The following PSTK variants were observed in gnomAD, a reference collection of about 807,000 sequenced individuals.
The protein encoded by PSTK is phosphoseryl-tRNA kinase.
A neutral mutation model predicts 38.6 loss-of-function variants in PSTK; 26 were observed. The observed-to-expected ratio is 0.67, with a 90% CI of 0.49 to 0.94. The LOEUF (loss-of-function observed/expected upper bound fraction) is 0.94. Ranked by LOEUF, PSTK falls within the 40% of genes least tolerant of loss-of-function variation. The pLI is 0.00. For missense variants in PSTK, 445 were observed against 436.3 expected (o/e 1.02, Z -0.18); for synonymous variants, 181 against 161.7 (o/e 1.12, Z -0.91).
intron 5 of PSTK, among the ~76,000 whole-genome samples, chr10:122,988,586 CAAT>C (rs1230844963): frequency 6.6e-6 from 1 of 152,148 alleles, no homozygotes; most frequent in Non-Finnish European, 1.5e-5. Flanking sequence ...TCTTACCACT[CAAT>C]AATAAACACA....
intron 5 of PSTK, among the ~76,000 whole-genome samples, chr10:122,987,677 T>C (rs1265348646): frequency 2.0e-5 from 3 of 152,256 alleles, no homozygotes; most frequent in African/African-American, 7.2e-5. Context: ...TTTAAAATTG[T>C]ACCTTTAAAA....
chr10:122,980,674 C>G lies in PSTK; in HGVS notation c.195C>G (p.Ala65=), dbSNP rs202174196. 1.1e-4 allele frequency: 165 copies of G among 1,457,830 alleles called. 1 individual carries two copies. The highest frequency in any genetic ancestry group is 6.5e-4 in the Middle Eastern group (3 of 4,640). 90.3% of individuals were successfully genotyped at this position (1,457,830 alleles called of 1,614,324 possible). ...YDDVMPDAFL[A]GARARPAPSQ... ...ACGTCATGCCCGACGCGTTTCTCGC[C>G]GGGGCAAGAGCGCGACCGGCGGTCA... Residue 65 remains alanine (A), a synonymous_variant, in exon 1 of 6, where the codon GCC becomes GCG. Coordinates refer to ENST00000406217, the MANE Select transcript of PSTK (RefSeq NM_001363531.2). The surrounding 1 kb of genome is among the most constrained non-coding windows in gnomAD (Gnocchi z 4.3).
At position 122,980,820 on chromosome 10, in the gene PSTK, G is replaced by A; in HGVS notation, c.216+125G>A. 1 of 1,289,412 alleles carries A rather than the reference G, an allele frequency of 7.8e-7. No homozygotes were observed. Among genetic ancestry groups the A allele is most frequent in the Non-Finnish European group, 9.8e-7 (1 of 1,024,006 alleles). 79.9% of individuals were successfully genotyped at this position (1,289,412 alleles called of 1,614,324 possible). ...TGAGCGCCCATTGCTTGGTGTGGGA[G>A]GTGAAGTTCGAGAAAAGTGGAGCTG... On this transcript the variant is annotated intron_variant, in intron 1 of 5. Coordinates refer to ENST00000406217, the MANE Select transcript of PSTK (RefSeq NM_001363531.2). The surrounding 1 kb of genome is among the most constrained non-coding windows in gnomAD (Gnocchi z 4.3).
At chr10:122,987,023 T>G in intron 5 of PSTK, 61 bp downstream of exon 5, 1 of 1,068,926 alleles carries the variant, frequency 9.4e-7, no homozygotes, top group Non-Finnish European at 1.4e-6. Flanking sequence ...GCTACTGTTA[T>G]TCCCGACACT....
chr10:122,983,426 C>G lies in PSTK; in HGVS notation c.663C>G (p.His221Gln). 6.2e-7 allele frequency: 1 copy of G among 1,613,948 alleles called. No homozygotes were observed. Among genetic ancestry groups the G allele is most frequent in the Admixed American group, 1.7e-5 (1 of 60,032 alleles). ...ACCCTGAGAAAAATGCTTGGGAACA[C>G]AACAGCCTCACAATTCCGAGTCCAG... ...KPNPEKNAWE[H>Q]NSLTIPSPAC... Residue 221 changes from histidine (H) to glutamine (Q), a missense_variant, in exon 3 of 6, where the codon CAC (histidine) becomes CAG (glutamine). By Grantham distance (24) the His-to-Gln change is conservative. Coordinates refer to ENST00000406217, the MANE Select transcript of PSTK (RefSeq NM_001363531.2).
At chr10:122,987,602 G>C in intron 5 of PSTK, 1 of 1,466,566 alleles carries the variant, frequency 6.8e-7, no homozygotes, top group Non-Finnish European at 9.1e-7. Context: ...TATAATAGAT[G>C]AAATATGTGG....
In PSTK at chr10:122,988,508, A is replaced by G. The variant is rs145074422; in HGVS notation, c.877+1546A>G. 1.2e-4 allele frequency among the ~76,000 whole-genome samples: 19 copies of G among 152,326 alleles called. No individual in the cohort carries two copies. The East Asian group carries it at 3.7e-3, about 29-fold the overall frequency. ...CATCAGGAAAGTGAAAAGACAACCC[A>G]TAGATGGGAAAAAGTATTTGCAGAC... On this transcript the variant is annotated intron_variant, in intron 5 of 5. Coordinates refer to ENST00000406217, the MANE Select transcript of PSTK (RefSeq NM_001363531.2).
In PSTK at chr10:122,983,400, A is replaced by C; in HGVS notation, c.637A>C (p.Asn213His). ...HLMGRKLEKPNPEKNAWEHNS... is the reference protein window; with the variant it reads ...HLMGRKLEKPHPEKNAWEHNS... ...GATGGGAAGAAAGCTAGAAAAGCCC[A>C]ACCCTGAGAAAAATGCTTGGGAACA... The change falls in exon 3 of 6, where the codon AAC (asparagine) becomes CAC (histidine). Residue 213 changes from asparagine (N) to histidine (H), a missense_variant. Asn to His is a moderately conservative substitution (Grantham distance 68). Transcript: ENST00000406217. 4 of 1,614,186 alleles carry C rather than the reference A, an allele frequency of 2.5e-6. No individual in the cohort carries two copies. The highest frequency in any genetic ancestry group is 3.4e-6 in the Non-Finnish European group (4 of 1,180,028).
chr10:122,984,308 T>C (rs543254779), intron 3 of PSTK: 1 of 152,302 alleles, frequency 6.6e-6, no homozygotes, highest in South Asian at 2.1e-4. Context: ...TTTTTTAATT[T>C]GTTGTAGTGA....
intron 5 of PSTK, chr10:122,987,472 GA>G (rs2133360240): frequency 6.2e-7 from 1 of 1,614,138 alleles, no homozygotes; most frequent in East Asian, 2.2e-5. Flanking sequence ...CAGTGTTGCA[GA>G]ATCGAGAAGA....
chr10:122,986,535 A>G (rs1849036321), intron 4 of PSTK, 160 bp downstream of exon 4: 3 of 638,268 alleles, frequency 4.7e-6, no homozygotes. Context: ...CGGCTGGGCA[A>G]AGCCGATTGT....
chr10:122,987,553 G>T, intron 5 of PSTK: 1 of 1,593,772 alleles, frequency 6.3e-7, no homozygotes, highest in South Asian at 1.1e-5. Flanking sequence ...GATCAGCATG[G>T]AATTTGAGTA....
At chr10:122,989,823 A>C (rs1849102754) in intron 5 of PSTK, among the ~76,000 whole-genome samples, 1 of 152,238 alleles carries the variant, frequency 6.6e-6, no homozygotes, top group South Asian at 2.1e-4. Context: ...ATTATTTATC[A>C]GGTTCAAAAC....
chr10:122,986,926 C>T lies in PSTK; in HGVS notation c.841C>T (p.Arg281Ter), dbSNP rs1213760029. ...TCTTCATAAAACTGATCAGACACTCCGAAGGATTGTATCTCAGACAATGAA... is the reference window on the plus strand; with the variant it reads ...TCTTCATAAAACTGATCAGACACTCTGAAGGATTGTATCTCAGACAATGAA... The part of the protein sequence containing the change: ...NILHKTDQTL[R>*]RIVSQTMKEA... Residue 281 changes from arginine (R) to a stop codon, truncating the protein, a stop_gained, in exon 5 of 6, where the codon CGA becomes TGA. Transcript: ENST00000406217. LOFTEE classifies it high-confidence loss of function. 7 of 1,612,398 alleles carry T rather than the reference C, an allele frequency of 4.3e-6. No homozygotes were observed. The highest frequency in any genetic ancestry group is 5.1e-6 in the Non-Finnish European group (6 of 1,178,736).
chr10:122,990,119 C>A, intron 5 of PSTK, 55 bp from the exon 6 acceptor site: 1 of 1,157,494 alleles, frequency 8.6e-7, no homozygotes, highest in Non-Finnish European at 1.2e-6. Context: ...TGTCATTAGA[C>A]ACCCCGGATT....
chr10:122,982,574 T>C (rs566267553), intron 1 of PSTK, 159 bp from the exon 2 acceptor site: 4 of 620,156 alleles, frequency 6.4e-6, no homozygotes, highest in South Asian at 4.0e-5. Flanking sequence ...GCAGAAGGAA[T>C]GGTATATATG....
rs1191039252 is a variant in PSTK at position 122,990,366 on chromosome 10, A to G, written c.1070A>G (p.Gln357Arg). ...ATTGTACAGAAGTATTTTTCAAAGC[A>G]GCATTAAAATTTCTGAACTGCCAAT... Reference protein sequence around the residue: ...DNIVQKYFSKQH With the variant: ...DNIVQKYFSKRH The change falls in exon 6 of 6, where the codon CAG (glutamine) becomes CGG (arginine). Residue 357 changes from glutamine (Q) to arginine (R), a missense_variant. Physicochemically the swap from Gln to Arg is conservative, Grantham distance 43. Transcript: ENST00000406217. 1 of 1,447,736 alleles carries G rather than the reference A, an allele frequency of 6.9e-7. No individual in the cohort carries two copies. Among genetic ancestry groups the G allele is most frequent in the East Asian group, 2.7e-5 (1 of 37,652 alleles). 89.7% of individuals were successfully genotyped at this position (1,447,736 alleles called of 1,614,324 possible).
chr10:122,986,228 CAA>C (rs544540038), intron 3 of PSTK, 70 bp from the exon 4 acceptor site: 26,063 of 583,056 alleles, frequency 0.045, no homozygotes, highest in South Asian at 0.059. Flanking sequence ...GACTCCATCT[CAA>C]AAAAAAAAAA....
At chr10:122,990,116 A>G in intron 5 of PSTK, 58 bp from the exon 6 acceptor site, 1 of 1,139,828 alleles carries the variant, frequency 8.8e-7, no homozygotes, top group Non-Finnish European at 1.2e-6. Context: ...TAATGTCATT[A>G]GACACCCCGG....
Sources: allele counts gnomAD v4.1 joint callset (sites outside exome capture counted in the v4.1 genomes callset), GRCh38; gene constraint gnomAD v4.1.1; non-coding constraint Gnocchi (gnomAD v3.1); transcripts MANE v1.5; gene names NCBI Gene and HGNC (gene_info 2026-07-23, HGNC 2026-07-21).